TEKT5: variants seen among roughly 807,000 people sequenced by gnomAD.
The protein encoded by TEKT5 is tektin 5, also known as tektin-5.
In TEKT5, 52 loss-of-function variants were observed where a neutral mutation model predicts 48.7. The ratio of observed to expected loss-of-function variants is 1.07; its 90% CI spans 0.86 to 1.35. TEKT5 has a LOEUF of 1.35. Ranked by LOEUF, TEKT5 falls within the 40% of genes most tolerant of loss-of-function variation. The pLI is 0.00. For synonymous variants in TEKT5, 318 were observed against 267.6 expected (o/e 1.19, Z -1.84); for missense variants, 831 against 641.6 (o/e 1.30, Z -3.19).
intron 5 of TEKT5, chr16:10,671,894 C>G (rs1336700159): frequency 6.6e-6 from 1 of 152,144 alleles, no homozygotes; most frequent in Non-Finnish European, 1.5e-5. Flanking sequence ...CCCCATGGTT[C>G]AATTACCTCC....
At chr16:10,640,632 G>A (rs1027744284) in intron 5 of TEKT5, among the ~76,000 whole-genome samples, 3 of 151,994 alleles carry the variant, frequency 2.0e-5, no homozygotes, top group East Asian at 1.9e-4. Context: ...TCCTGCCTCC[G>A]CCTACCCTAG....
At chr16:10,630,223 C>A (rs986697711) in intron 6 of TEKT5, among the ~76,000 whole-genome samples, 2 of 151,778 alleles carry the variant, frequency 1.3e-5, no homozygotes, top group African/African-American at 4.9e-5. Flanking sequence ...CATGAGCCAC[C>A]GCACCCAGCT....
At chr16:10,654,014 GCA>G (rs1898215356) in intron 5 of TEKT5, among the ~76,000 whole-genome samples, 1 of 140,400 alleles carries the variant, frequency 7.1e-6, no homozygotes, top group African/African-American at 3.1e-5. Context: ...GTGTGTGTGT[GCA>G]TGTGTGTGTG....
intron 5 of TEKT5, among the ~76,000 whole-genome samples, chr16:10,666,028 C>T (rs1898450186): frequency 2.0e-5 from 3 of 152,176 alleles, no homozygotes; most frequent in African/African-American, 7.2e-5. Context: ...TGGTGGACCT[C>T]GGAGTTTGAG....
chr16:10,642,198 T>C (rs570346029), intron 5 of TEKT5, among the ~76,000 whole-genome samples: 4 of 152,302 alleles, frequency 2.6e-5, no homozygotes. Context: ...GCACTAGCCC[T>C]CCCAGGGTTA....
At chr16:10,654,451 G>T (rs111798590) in intron 5 of TEKT5, among the ~76,000 whole-genome samples, 1 of 152,130 alleles carries the variant, frequency 6.6e-6, no homozygotes, top group Non-Finnish European at 1.5e-5. Context: ...TTATTTTGAG[G>T]TGTGTCTGTG....
intron 4 of TEKT5, among the ~76,000 whole-genome samples, chr16:10,676,454 T>C (rs1029662596): frequency 6.6e-6 from 1 of 152,076 alleles, no homozygotes; most frequent in Non-Finnish European, 1.5e-5. Flanking sequence ...TGAGAACCAC[T>C]GTCCTGATCC....
intron 5 of TEKT5, among the ~76,000 whole-genome samples, chr16:10,669,634 G>C (rs892285383): frequency 3.3e-5 from 5 of 152,126 alleles, no homozygotes; most frequent in African/African-American, 1.2e-4. Context: ...CCAGGGTCTA[G>C]TTCCCACAAT....
intron 5 of TEKT5, among the ~76,000 whole-genome samples, chr16:10,674,291 C>T (rs1898602490): frequency 6.6e-6 from 1 of 152,020 alleles, no homozygotes; most frequent in South Asian, 2.1e-4. Context: ...ATCTGGCTCA[C>T]CCACCCTTGC....
intron 6 of TEKT5, 102 bp downstream of exon 6, chr16:10,635,662 C>T: frequency 2.0e-6 from 3 of 1,503,600 alleles, no homozygotes; most frequent in Non-Finnish European, 2.7e-6. Flanking sequence ...GAAGGAGGGT[C>T]CATTTTTCAG....
chr16:10,676,054 T>C lies in TEKT5; in HGVS notation c.991A>G (p.Met331Val). The C allele has an allele frequency of 6.2e-7, 1 of 1,614,190 alleles. No individual in the cohort carries two copies. The highest frequency in any genetic ancestry group is 8.5e-7 in the Non-Finnish European group (1 of 1,180,034). ...EHLFETLSDQMWRQFTDTNLA... is the reference protein window; with the variant it reads ...EHLFETLSDQVWRQFTDTNLA... ...TTGGTGTCTGTGAACTGCCTCCACATCTGATCCGACAAGGTCTCAAAGAGG... is the reference window on the plus strand; with the variant it reads ...TTGGTGTCTGTGAACTGCCTCCACACCTGATCCGACAAGGTCTCAAAGAGG... The change falls in exon 5 of 7, where the codon ATG becomes GTG. Residue 331 changes from methionine to valine, a missense_variant. Physicochemically the swap from Met to Val is conservative, Grantham distance 21. Transcript: ENST00000283025.
chr16:10,637,023 C>T lies in TEKT5; in HGVS notation c.1087-1105G>A, dbSNP rs2719674. 6.1e-3 allele frequency among the ~76,000 whole-genome samples: 904 copies of T among 148,288 alleles called. 12 individuals are homozygous for T. Among genetic ancestry groups the T allele is most frequent in the African/African-American group, 0.022 (871 of 39,364 alleles). On this transcript the variant is annotated intron_variant, in intron 5 of 6. Coordinates refer to ENST00000283025, the MANE Select transcript of TEKT5 (RefSeq NM_144674.2). ...TTTTGACGGAGTCTCGCTCTGTCACCAGGGCTGGCGTGCAGTGGTGCGATT... is the reference window on the plus strand; with the variant it reads ...TTTTGACGGAGTCTCGCTCTGTCACTAGGGCTGGCGTGCAGTGGTGCGATT...
At chr16:10,637,655 T>A (rs1176228504) in intron 5 of TEKT5, among the ~76,000 whole-genome samples, 1 of 152,210 alleles carries the variant, frequency 6.6e-6, no homozygotes, top group African/African-American at 2.4e-5. Flanking sequence ...TTCACAGATA[T>A]AAACATAGAT....
At chr16:10,649,190 C>T (rs912918896) in intron 5 of TEKT5, among the ~76,000 whole-genome samples, 1 of 152,144 alleles carries the variant, frequency 6.6e-6, no homozygotes. Context: ...ACTATCATAT[C>T]TCACTGCAGC....
chr16:10,628,205 G>A (rs1897784056), intron 6 of TEKT5, among the ~76,000 whole-genome samples: 1 of 152,202 alleles, frequency 6.6e-6, no homozygotes, highest in Non-Finnish European at 1.5e-5. Context: ...ACTGTGCCTG[G>A]CACTGAGAGA....
intron 1 of TEKT5, among the ~76,000 whole-genome samples, chr16:10,691,872 C>T (rs1366096018): frequency 2.0e-5 from 3 of 147,258 alleles, no homozygotes; most frequent in Non-Finnish European, 4.4e-5. Context: ...GGCGTGGACC[C>T]GGGAGGCGGA....
At chr16:10,692,614 C>A (rs1898999461) in intron 1 of TEKT5, 1 of 152,184 alleles carries the variant, frequency 6.6e-6, no homozygotes, top group African/African-American at 2.4e-5. Flanking sequence ...CCCTTTGCAT[C>A]CAGGGTCCAT....
At chr16:10,679,108 C>T (rs1398773818) in intron 4 of TEKT5, among the ~76,000 whole-genome samples, 1 of 152,162 alleles carries the variant, frequency 6.6e-6, no homozygotes, top group African/African-American at 2.4e-5. Context: ...ATGGTACCAA[C>T]CCCCAGGGTT....
rs73511734 is a variant in TEKT5 at position 10,666,139 on chromosome 16, G to A, written c.1086+9820C>T. ...CATATAGGGGTGTGGATGCCCTGAAGAACCACCCTGTTTACCAAGCCACGG... is the reference window on the plus strand; with the variant it reads ...CATATAGGGGTGTGGATGCCCTGAAAAACCACCCTGTTTACCAAGCCACGG... On this transcript the variant is annotated intron_variant, in intron 5 of 6. Coordinates refer to ENST00000283025, the MANE Select transcript of TEKT5 (RefSeq NM_144674.2). 6.2e-4 allele frequency among the ~76,000 whole-genome samples: 95 copies of A among 152,294 alleles called. 2 individuals are homozygous for A. Among genetic ancestry groups the A allele is most frequent in the African/African-American group, 2.2e-3 (90 of 41,574 alleles).
Sources: allele counts gnomAD v4.1 joint callset (sites outside exome capture counted in the v4.1 genomes callset), GRCh38; gene constraint gnomAD v4.1.1; transcripts MANE v1.5; gene names NCBI Gene and HGNC (gene_info 2026-07-23, HGNC 2026-07-21).